TTLL5: variants seen among roughly 807,000 people sequenced by gnomAD.
The protein encoded by TTLL5 is tubulin polyglutamylase TTLL5.
Under a neutral mutation model 168.4 loss-of-function variants are expected in TTLL5, and 132 were observed. That is an observed-to-expected ratio of 0.78 (90% CI 0.68 to 0.91). The LOEUF (loss-of-function observed/expected upper bound fraction) is 0.91, where lower values mean the gene tolerates loss of function less well. TTLL5 is among the 40% of genes least tolerant of loss of function. TTLL5 has a pLI of 0.00. For synonymous variants in TTLL5, 546 were observed against 558.6 expected (o/e 0.98, Z 0.32); for missense variants, 1,545 against 1,581.5 (o/e 0.98, Z 0.39).
chr14:75,786,403 A>G (rs150498251), intron 26 of TTLL5, among the ~76,000 whole-genome samples: 2 of 152,256 alleles, frequency 1.3e-5, no homozygotes, highest in South Asian at 2.1e-4. Flanking sequence ...TCTGATATCT[A>G]TTGTGATTTC....
At chr14:75,763,294 G>C (rs1433544687) in intron 18 of TTLL5, among the ~76,000 whole-genome samples, 1 of 131,198 alleles carries the variant, frequency 7.6e-6, no homozygotes, top group African/African-American at 3.0e-5. Context: ...TGTACTCTTT[G>C]GGACTCTGAT....
At position 75,903,465 on chromosome 14, in the gene TTLL5, G is replaced by A. The variant is rs545544392; in HGVS notation, c.3823+1241G>A. ...TGGAAGGGGAAAAGGTTGTGAGGTA[G>A]TAGGGCCATTTTATGAGCCATGTAG... is the stretch of plus-strand genomic sequence containing the variant. On this transcript the variant is annotated intron_variant, in intron 31 of 31. Transcript: ENST00000298832. 2.0e-5 allele frequency among the ~76,000 whole-genome samples: 3 copies of A among 152,206 alleles called. No individual in the cohort carries two copies. The South Asian group carries it at 6.2e-4, about 32-fold the overall frequency.
At chr14:75,749,543 A>G (rs1889819956) in intron 17 of TTLL5, among the ~76,000 whole-genome samples, 2 of 113,936 alleles carry the variant, frequency 1.8e-5, no homozygotes, top group South Asian at 6.2e-4. Flanking sequence ...TGAGCCATGT[A>G]TGGGGAGTGC....
At chr14:75,839,708 G>A (rs904592763) in intron 28 of TTLL5, among the ~76,000 whole-genome samples, 1 of 152,156 alleles carries the variant, frequency 6.6e-6, no homozygotes, top group African/African-American at 2.4e-5. Flanking sequence ...TGGGGATTAT[G>A]GGGATTATAA....
At chr14:75,724,429 T>G (rs1306065560) in intron 12 of TTLL5, among the ~76,000 whole-genome samples, 1 of 152,196 alleles carries the variant, frequency 6.6e-6, no homozygotes, top group Non-Finnish European at 1.5e-5. Context: ...TATAGATATA[T>G]ATATACCTCC....
At chr14:75,774,520 T>C (rs944819040) in intron 21 of TTLL5, among the ~76,000 whole-genome samples, 2 of 152,214 alleles carry the variant, frequency 1.3e-5, no homozygotes, top group Admixed American at 6.5e-5. Context: ...ATTTTCTTAA[T>C]GTCTTCTTGT....
At chr14:75,712,894 T>C (rs1397138124) in intron 9 of TTLL5, among the ~76,000 whole-genome samples, 2 of 152,138 alleles carry the variant, frequency 1.3e-5, no homozygotes, top group Non-Finnish European at 2.9e-5. Flanking sequence ...TTTGTTTTCA[T>C]TGTGGTTAAA....
At chr14:75,792,794 A>ATTTTTC in intron 26 of TTLL5, 122 bp from the exon 27 acceptor site, 1 of 773,922 alleles carries the variant, frequency 1.3e-6, no homozygotes, top group Non-Finnish European at 1.9e-6. Context: ...TATTTCTCCT[A>ATTTTTC]TATTATTAAA....
chr14:75,899,118 A>G (rs1045815556), intron 30 of TTLL5, among the ~76,000 whole-genome samples: 3 of 152,264 alleles, frequency 2.0e-5, no homozygotes, highest in African/African-American at 7.2e-5. Context: ...TATTTAGTCC[A>G]TAATATAACA....
intron 15 of TTLL5, among the ~76,000 whole-genome samples, chr14:75,736,000 G>T (rs535092488): frequency 1.3e-5 from 2 of 151,738 alleles, no homozygotes; most frequent in South Asian, 4.2e-4. Context: ...TTCCCATCTG[G>T]TTTGATTGCT....
chr14:75,878,644 A>C (rs941899738), intron 29 of TTLL5, among the ~76,000 whole-genome samples: 12 of 152,256 alleles, frequency 7.9e-5, no homozygotes, highest in African/African-American at 2.4e-4. Context: ...AAGTCAGAGT[A>C]GTAATATTAA....
At chr14:75,810,321 T>C (rs71431109) in intron 27 of TTLL5, among the ~76,000 whole-genome samples, 6,949 of 152,168 alleles carry the variant, frequency 0.046, 224 homozygotes, top group Non-Finnish European at 0.069. Flanking sequence ...GTTAAGCTCT[T>C]ATTAACTAAA....
At chr14:75,885,013 A>G (rs571694837) in intron 30 of TTLL5, among the ~76,000 whole-genome samples, 2 of 150,014 alleles carry the variant, frequency 1.3e-5, no homozygotes, top group South Asian at 4.2e-4. Context: ...TACTAAAAAT[A>G]CAAAAAAAAA....
intron 27 of TTLL5, among the ~76,000 whole-genome samples, chr14:75,810,337 T>G (rs1327320247): frequency 6.7e-6 from 1 of 150,040 alleles, no homozygotes; most frequent in Non-Finnish European, 1.5e-5. Flanking sequence ...CTAAATCATC[T>G]TCTCTCTCTC....
At position 75,752,902 on chromosome 14, in the gene TTLL5, C is replaced by G; in HGVS notation, c.1497C>G (p.Leu499=). Residue 499 remains leucine (L), a synonymous_variant, in exon 18 of 32, where the codon CTC becomes CTG. Transcript: ENST00000298832. ...TTTCTTTGCTTTTCAGGTCCTACCT[C>G]GAGCATAAGACCTCAATGAACTATA... ...SETWEIYGSY[L]EHKTSMNYML... The G allele has an allele frequency of 6.2e-7, 1 of 1,613,386 alleles. No homozygotes were observed.
chr14:75,667,763 T>TTG (rs1047585657), intron 2 of TTLL5, among the ~76,000 whole-genome samples: 13 of 144,662 alleles, frequency 9.0e-5, no homozygotes, highest in Non-Finnish European at 1.4e-4. Context: ...TTTTTTTTTT[T>TTG]TTTTTTTTTT....
At chr14:75,768,977 T>C (rs890722152) in intron 20 of TTLL5, among the ~76,000 whole-genome samples, 1 of 152,244 alleles carries the variant, frequency 6.6e-6, no homozygotes, top group Non-Finnish European at 1.5e-5. Context: ...TTTCCTTTTC[T>C]GTCAATCCAA....
chr14:75,900,133 G>C (rs1291983008), intron 30 of TTLL5, among the ~76,000 whole-genome samples: 2 of 152,108 alleles, frequency 1.3e-5, no homozygotes, highest in Admixed American at 1.3e-4. Context: ...ATCTACAGAT[G>C]CTTTGGGAGA....
chr14:75,836,734 A>G (rs1895889250), intron 28 of TTLL5, among the ~76,000 whole-genome samples: 2 of 152,190 alleles, frequency 1.3e-5, no homozygotes, highest in African/African-American at 2.4e-5. Flanking sequence ...GTAATCAAAT[A>G]TATTATACAT....
Sources: gnomAD v4.1 joint callset for allele counts (sites outside exome capture counted in the v4.1 genomes callset) on GRCh38, gnomAD v4.1.1 for gene constraint, MANE v1.5 for transcripts, NCBI Gene and HGNC (gene_info 2026-07-23, HGNC 2026-07-21) for gene names.